KCNIP1: variants seen among roughly 807,000 people sequenced by gnomAD.
KCNIP1 encodes A-type potassium channel modulatory protein KCNIP1.
KCNIP1 carries 18 observed loss-of-function variants against 33.0 expected under a neutral mutation model. That is an observed-to-expected ratio of 0.55 (90% confidence interval 0.38 to 0.81). KCNIP1 has a LOEUF of 0.81. Among genes scored for constraint, KCNIP1 ranks in the 30% least tolerant of loss-of-function variants. The pLI is 0.00. For missense variants in KCNIP1, 238 were observed against 271.6 expected (o/e 0.88, Z 0.87); for synonymous variants, 93 against 98.3 (o/e 0.95, Z 0.32).
At chr5:170,420,985 T>C (rs1305544651) in intron 1 of KCNIP1, among the ~76,000 whole-genome samples, 2 of 152,074 alleles carry the variant, frequency 1.3e-5, no homozygotes, top group Admixed American at 1.3e-4. Flanking sequence ...AGCCATTTGA[T>C]TGGGTTGTTG....
At chr5:170,455,158 A>T (rs1259355222) in intron 1 of KCNIP1, among the ~76,000 whole-genome samples, 1 of 152,240 alleles carries the variant, frequency 6.6e-6, no homozygotes, top group Admixed American at 6.5e-5. Context: ...AATGGATAGA[A>T]CAACTAGACA....
At chr5:170,621,753 C>T (rs1323584036) in intron 1 of KCNIP1, among the ~76,000 whole-genome samples, 1 of 152,192 alleles carries the variant, frequency 6.6e-6, no homozygotes, top group Non-Finnish European at 1.5e-5. Flanking sequence ...GAGTGATCCT[C>T]CCGCCTTGGA....
intron 1 of KCNIP1, among the ~76,000 whole-genome samples, chr5:170,693,186 A>G (rs1581508237): frequency 6.6e-6 from 1 of 151,536 alleles, no homozygotes; most frequent in African/African-American, 2.4e-5. Context: ...TCGCCCTCTC[A>G]CCCCCTCCCG....
At chr5:170,499,507 C>T (rs1757371354), upstream of KCNIP1, among the ~76,000 whole-genome samples, 1 of 152,240 alleles carries the variant, frequency 6.6e-6, no homozygotes, top group African/African-American at 2.4e-5. Context: ...AGAGATCGTA[C>T]TCATCATGCC....
At chr5:170,418,186 T>C (rs1755383430) in intron 1 of KCNIP1, among the ~76,000 whole-genome samples, 1 of 152,150 alleles carries the variant, frequency 6.6e-6, no homozygotes, top group South Asian at 2.1e-4. Context: ...ATCCCAGCAT[T>C]TGGGGAGGCC....
chr5:170,367,368 A>G (rs180980987), intron 1 of KCNIP1, among the ~76,000 whole-genome samples: 9,611 of 115,852 alleles, frequency 0.083, 649 homozygotes, highest in African/African-American at 0.12. Context: ...AAAGAAAGAA[A>G]GAAAGAAAGA....
At chr5:170,420,545 A>AT (rs1008267749) in intron 1 of KCNIP1, 1 of 151,644 alleles carries the variant, frequency 6.6e-6, no homozygotes, top group African/African-American at 2.4e-5. Context: ...AAAAAAAAAA[A>AT]AATAAAAAGA....
chr5:170,496,088 T>TC (rs1757306047), intron 1 of KCNIP1, among the ~76,000 whole-genome samples: 1 of 152,074 alleles, frequency 6.6e-6, no homozygotes. Context: ...TACTGTTCCC[T>TC]CCTCCCCTCC....
intron 1 of KCNIP1, among the ~76,000 whole-genome samples, chr5:170,360,533 A>G (rs921885363): frequency 1.3e-5 from 2 of 152,202 alleles, no homozygotes; most frequent in Non-Finnish European, 2.9e-5. Context: ...TTTCTATGAT[A>G]CGACCTTGGA....
At chr5:170,383,812 G>T (rs1764354733) in intron 1 of KCNIP1, 1 of 1,614,084 alleles carries the variant, frequency 6.2e-7, no homozygotes, top group East Asian at 2.2e-5. Context: ...CCTGATGTTG[G>T]TCTCAATCAG....
chr5:170,680,937 C>T (rs1280127986), intron 1 of KCNIP1: 1 of 397,258 alleles, frequency 2.5e-6, no homozygotes, highest in Non-Finnish European at 4.4e-6. Flanking sequence ...GGGAGGGAGG[C>T]AGAAAGAGGA....
At chr5:170,503,949 G>A (rs1754586756), upstream of KCNIP1, 1 of 502,418 alleles carries the variant, frequency 2.0e-6, no homozygotes, top group South Asian at 8.7e-5. Context: ...CCACCGTGCA[G>A]CCCTCGCCCC....
intron 1 of KCNIP1, among the ~76,000 whole-genome samples, chr5:170,651,601 C>A (rs988518033): frequency 6.6e-6 from 1 of 152,176 alleles, no homozygotes; most frequent in Non-Finnish European, 1.5e-5. Context: ...CGCCACCCCC[C>A]CAGCTGATTG....
chr5:170,587,723 A>G (rs1758053532), intron 1 of KCNIP1, among the ~76,000 whole-genome samples: 1 of 152,192 alleles, frequency 6.6e-6, no homozygotes, highest in Non-Finnish European at 1.5e-5. Flanking sequence ...GACCCTTGTG[A>G]TTACATCAGG....
intron 1 of KCNIP1, among the ~76,000 whole-genome samples, chr5:170,393,013 A>G (rs1250267419): frequency 6.6e-6 from 1 of 152,166 alleles, no homozygotes; most frequent in Non-Finnish European, 1.5e-5. Context: ...CCTCTCCACA[A>G]TCCCCCACAA....
intron 1 of KCNIP1, chr5:170,375,962 T>G (rs1194758556): frequency 6.6e-6 from 1 of 152,090 alleles, no homozygotes; most frequent in Non-Finnish European, 1.5e-5. Flanking sequence ...ACATCCCAAG[T>G]CCACATACTT....
chr5:170,377,001 G>A (rs750219436), intron 1 of KCNIP1: 1 of 152,150 alleles, frequency 6.6e-6, no homozygotes, highest in Non-Finnish European at 1.5e-5. Flanking sequence ...TTTTATAGAT[G>A]AAAAAACTAA....
chr5:170,638,353 T>C (rs1760384234), intron 1 of KCNIP1, among the ~76,000 whole-genome samples: 1 of 152,148 alleles, frequency 6.6e-6, no homozygotes, highest in African/African-American at 2.4e-5. Flanking sequence ...TCGTAGCTCA[T>C]GGAGTCCTCT....
chr5:170,630,041 G>T lies in KCNIP1; in HGVS notation c.62-88717G>T, dbSNP rs112423432. Among the ~76,000 whole-genome samples the T allele has an allele frequency of 7.8e-3, 1,190 of 152,324 alleles. 6 individuals carry two copies. Among genetic ancestry groups the T allele is most frequent in the Middle Eastern group, 0.014 (4 of 294 alleles). ...ACCAGGCTGGGCCTGGGGTGAGGGGGTGGGGGCCGGGGTAGCTGGGCTCCT... is the reference window on the plus strand; with the variant it reads ...ACCAGGCTGGGCCTGGGGTGAGGGGTTGGGGGCCGGGGTAGCTGGGCTCCT... On this transcript the variant is annotated intron_variant, in intron 1 of 7. Coordinates refer to ENST00000328939, the MANE Select transcript of KCNIP1 (RefSeq NM_014592.4).
Sources: allele counts gnomAD v4.1 joint callset (sites outside exome capture counted in the v4.1 genomes callset), GRCh38; gene constraint gnomAD v4.1.1; transcripts MANE v1.5; gene names NCBI Gene and HGNC (gene_info 2026-07-23, HGNC 2026-07-21).